CNBD1: variants seen among roughly 807,000 people sequenced by gnomAD.
CNBD1 encodes cyclic nucleotide-binding domain-containing protein 1.
In CNBD1, 71 loss-of-function variants were observed where a neutral mutation model predicts 54.4. The ratio of observed to expected loss-of-function variants is 1.30; its 90% CI spans 1.08 to 1.59. The LOEUF (loss-of-function observed/expected upper bound fraction) is 1.59. Ranked by LOEUF, CNBD1 falls within the 40% of genes most tolerant of loss-of-function variation. The probability of loss-of-function intolerance (pLI) is 0.00; values close to 1 mark genes in which losing one functional copy is unlikely to be tolerated. For missense variants in CNBD1, 659 were observed against 518.0 expected, an observed-to-expected ratio of 1.27 and a Z score of -2.64; for synonymous variants, 182 against 170.7, an observed-to-expected ratio of 1.07 and a Z score of -0.51.
chr8:87,015,629 G>C (rs189185913), intron 4 of CNBD1, among the ~76,000 whole-genome samples: 109 of 151,956 alleles, frequency 7.2e-4, no homozygotes, highest in African/African-American at 2.6e-3. Flanking sequence ...CCTTTTGTTG[G>C]CTCCTGTAAC....
chr8:87,068,326 G>T (rs775243292), intron 4 of CNBD1, among the ~76,000 whole-genome samples: 8 of 151,872 alleles, frequency 5.3e-5, no homozygotes, highest in Non-Finnish European at 1.0e-4. Context: ...TAATTACAAT[G>T]GTAAAAATAC....
chr8:87,354,563 C>A (rs993604943), intron 10 of CNBD1, among the ~76,000 whole-genome samples: 1 of 151,948 alleles, frequency 6.6e-6, no homozygotes, highest in Non-Finnish European at 1.5e-5. Context: ...CCCTTCCCCC[C>A]ACCCCACAAC....
intron 4 of CNBD1, among the ~76,000 whole-genome samples, chr8:86,991,692 C>T (rs1181870405): frequency 1.0e-5 from 1 of 100,350 alleles, no homozygotes; most frequent in Non-Finnish European, 2.0e-5. Context: ...TGAGCTGTGT[C>T]CCAAAGATTT....
At chr8:87,026,825 A>G (rs571196794) in intron 4 of CNBD1, among the ~76,000 whole-genome samples, 1 of 152,342 alleles carries the variant, frequency 6.6e-6, no homozygotes, top group African/African-American at 2.4e-5. Context: ...TCAGCAAACA[A>G]CATTAAATTA....
intron 1 of CNBD1, among the ~76,000 whole-genome samples, chr8:86,879,727 C>T (rs1451898984): frequency 1.3e-5 from 2 of 152,030 alleles, no homozygotes; most frequent in Non-Finnish European, 2.9e-5. Flanking sequence ...AAAAAATTAG[C>T]TGGACATGGT....
intron 10 of CNBD1, among the ~76,000 whole-genome samples, chr8:87,369,035 A>G (rs1361722920): frequency 2.0e-5 from 3 of 151,784 alleles, no homozygotes; most frequent in Non-Finnish European, 4.4e-5. Flanking sequence ...CAACAACTAT[A>G]CTTTACTAAC....
At chr8:87,306,724 G>A (rs1369797041) in intron 8 of CNBD1, among the ~76,000 whole-genome samples, 3 of 151,948 alleles carry the variant, frequency 2.0e-5, no homozygotes, top group Non-Finnish European at 4.4e-5. Context: ...GGACACAAAG[G>A]CATAAGAATG....
At chr8:87,290,788 C>A (rs1808771075) in intron 8 of CNBD1, among the ~76,000 whole-genome samples, 1 of 152,134 alleles carries the variant, frequency 6.6e-6, no homozygotes, top group South Asian at 2.1e-4. Context: ...AAAATGCAAT[C>A]CCACTTTCTT....
At chr8:86,892,579 A>G (rs1250404346) in intron 2 of CNBD1, among the ~76,000 whole-genome samples, 1 of 152,152 alleles carries the variant, frequency 6.6e-6, no homozygotes, top group African/African-American at 2.4e-5. Context: ...TTTATAATAA[A>G]GAAGAAAATA....
intron 2 of CNBD1, among the ~76,000 whole-genome samples, chr8:86,893,433 C>G (rs979411362): frequency 6.6e-6 from 1 of 152,216 alleles, no homozygotes; most frequent in East Asian, 1.9e-4. Flanking sequence ...TGTCAATAAT[C>G]CTCCTTCTCC....
intron 10 of CNBD1, among the ~76,000 whole-genome samples, chr8:87,357,236 T>C (rs888129609): frequency 3.9e-5 from 6 of 152,018 alleles, no homozygotes; most frequent in Admixed American, 6.6e-5. Context: ...AAAGTCCCCA[T>C]TGGGGCACTG....
At chr8:86,983,754 A>C (rs1808542176) in intron 4 of CNBD1, among the ~76,000 whole-genome samples, 1 of 152,194 alleles carries the variant, frequency 6.6e-6, no homozygotes, top group African/African-American at 2.4e-5. Context: ...TGGCAGAAGA[A>C]ATTTCTAAGC....
At chr8:86,878,105 T>TGTGTGAGA (rs56785226) in intron 1 of CNBD1, among the ~76,000 whole-genome samples, 28 of 140,970 alleles carry the variant, frequency 2.0e-4, no homozygotes, top group Admixed American at 5.1e-4. Context: ...TGTGTGTGTG[T>TGTGTGAGA]GAGAGAGAGA....
chr8:86,951,581 C>CAAAAAAAA (rs71275901), intron 4 of CNBD1, among the ~76,000 whole-genome samples: 1,602 of 37,352 alleles, frequency 0.043, 505 homozygotes, highest in East Asian at 0.094. Flanking sequence ...CTCCGTCTCA[C>CAAAAAAAA]AAAAAAAAAA....
At chr8:87,357,237 T>C (rs11987989) in intron 10 of CNBD1, among the ~76,000 whole-genome samples, 86,241 of 151,922 alleles carry the variant, frequency 0.57, 25,993 homozygotes, top group African/African-American at 0.77. Context: ...AAGTCCCCAT[T>C]GGGGCACTGC....
rs368720999 is a variant in CNBD1, at chr8:86,962,102, C to T, written c.431+22348C>T. On this transcript the variant is annotated intron_variant, in intron 4 of 10. Transcript: ENST00000518476. ...AATCCCTGGCACTCCATGAGGAAAACAGAGGTTTTTTTCAAAAATGAATCA... is the reference window on the plus strand; with the variant it reads ...AATCCCTGGCACTCCATGAGGAAAATAGAGGTTTTTTTCAAAAATGAATCA... 3.4e-5 allele frequency among the ~76,000 whole-genome samples: 5 copies of T among 147,206 alleles called. No homozygotes were observed. In the East Asian group the frequency reaches 7.8e-4, roughly 23 times the overall value.
chr8:87,174,594 C>A (rs1427000721), intron 4 of CNBD1, among the ~76,000 whole-genome samples: 1 of 152,104 alleles, frequency 6.6e-6, no homozygotes, highest in African/African-American at 2.4e-5. Flanking sequence ...TTTTTTAGTT[C>A]TGTCAGGTCA....
Position 87,051,361 on chromosome 8 carries a change from T to C in CNBD1, c.431+111607T>C, listed in dbSNP as rs571091052. The stretch of plus-strand genomic sequence containing the variant: ...GGATAGTGAGGGCAGTTTGAGCTTC[T>C]GGAGTCAAGGATCTTTGCCAAGACC... On this transcript the variant is annotated intron_variant, in intron 4 of 10. Coordinates refer to ENST00000518476, the MANE Select transcript of CNBD1 (RefSeq NM_173538.3). Among the ~76,000 whole-genome samples the C allele has an allele frequency of 3.0e-3, 456 of 152,236 alleles. 4 individuals carry two copies. Among genetic ancestry groups the C allele is most frequent in the African/African-American group, 0.01 (427 of 41,538 alleles).
chr8:87,341,102 G>T (rs1309812273), intron 8 of CNBD1, among the ~76,000 whole-genome samples: 1 of 152,098 alleles, frequency 6.6e-6, no homozygotes, highest in African/African-American at 2.4e-5. Flanking sequence ...TTCTTTAGAT[G>T]TATCTTCTTG....
Sources: gnomAD v4.1 joint callset for allele counts (sites outside exome capture counted in the v4.1 genomes callset) on GRCh38, gnomAD v4.1.1 for gene constraint, MANE v1.5 for transcripts, NCBI Gene and HGNC (gene_info 2026-07-23, HGNC 2026-07-21) for gene names.